Variants in CABCOCO1 observed in about 807,000 individuals in gnomAD.
CABCOCO1 encodes the protein ciliary associated calcium binding coiled-coil 1, also known as ciliary-associated calcium-binding coiled-coil protein 1.
Under a neutral mutation model 35.7 loss-of-function variants are expected in CABCOCO1, and 28 were observed. That is an observed-to-expected ratio of 0.78 (90% CI 0.58 to 1.07). The LOEUF is 1.07. Ranked by LOEUF, CABCOCO1 falls within the 50% of genes least tolerant of loss-of-function variation. CABCOCO1 has a pLI of 0.00. For missense variants in CABCOCO1, 326 were observed against 309.2 expected, an observed-to-expected ratio of 1.05 and a Z score of -0.41; for synonymous variants, 95 against 100.1, an observed-to-expected ratio of 0.95 and a Z score of 0.30.
At position 61,673,510 on chromosome 10, in the gene CABCOCO1, C is replaced by T. The variant is rs938895602; in HGVS notation, c.164+775C>T. 2.0e-5 allele frequency among the ~76,000 whole-genome samples: 3 copies of T among 152,108 alleles called. No homozygotes were observed. The South Asian group carries it at 6.2e-4, about 32-fold the overall frequency. ...AGTCCTTGGGACACAAACAGGGTGT[C>T]GTGGACCATAACAGACAAATAGAAA... On this transcript the variant is annotated intron_variant, in intron 2 of 7. Transcript: ENST00000648843.
chr10:61,703,630 T>G (rs561063471), intron 5 of CABCOCO1, among the ~76,000 whole-genome samples: 28 of 152,254 alleles, frequency 1.8e-4, no homozygotes, highest in African/African-American at 6.7e-4. Context: ...TGATGTGAAC[T>G]AAGGCACTGT....
At chr10:61,748,727 C>T (rs181418603) in intron 5 of CABCOCO1, among the ~76,000 whole-genome samples, 283 of 152,198 alleles carry the variant, frequency 1.9e-3, no homozygotes, top group Non-Finnish European at 1.7e-3. Flanking sequence ...TCTCTGTTTC[C>T]CACTCAAAAA....
In CABCOCO1 at chr10:61,685,901, T is replaced by G. The variant is rs1839943558; in HGVS notation, c.335-140T>G. The G allele has an allele frequency of 4.1e-6, 3 of 735,376 alleles. No homozygotes were observed. In the East Asian group the frequency reaches 9.6e-5, roughly 24 times the overall value. 45.6% of individuals were successfully genotyped at this position (735,376 alleles called of 1,614,324 possible). On this transcript the variant is annotated intron_variant, in intron 3 of 7. Transcript: ENST00000648843. ...TTGCATAAAACGTATTAATTTATTA[T>G]GAAGAAACAAGAGTTTTACCATTTA...
chr10:61,732,384 G>T (rs1163664943), intron 5 of CABCOCO1, among the ~76,000 whole-genome samples: 2 of 151,916 alleles, frequency 1.3e-5, no homozygotes, highest in Non-Finnish European at 2.9e-5. Flanking sequence ...CTAGAATGCA[G>T]GTTCAAAAAG....
At chr10:61,746,650 T>C (rs934946293) in intron 5 of CABCOCO1, among the ~76,000 whole-genome samples, 1 of 152,176 alleles carries the variant, frequency 6.6e-6, no homozygotes, top group African/African-American at 2.4e-5. Context: ...CCATGTTTTG[T>C]CTTAATGGCT....
intron 4 of CABCOCO1, among the ~76,000 whole-genome samples, chr10:61,687,975 G>C (rs932277525): frequency 2.0e-4 from 30 of 152,134 alleles, no homozygotes; most frequent in African/African-American, 6.5e-4. Flanking sequence ...CACCTGTTCA[G>C]AACCCCTCAA....
At chr10:61,759,117 C>T (rs1454214361) in intron 5 of CABCOCO1, among the ~76,000 whole-genome samples, 1 of 151,754 alleles carries the variant, frequency 6.6e-6, no homozygotes. Flanking sequence ...CTGACTTTGT[C>T]AGCATACTGT....
At chr10:61,733,306 G>T (rs892366350) in intron 5 of CABCOCO1, among the ~76,000 whole-genome samples, 2 of 151,692 alleles carry the variant, frequency 1.3e-5, no homozygotes, top group Non-Finnish European at 2.9e-5. Flanking sequence ...TGTATTTTGA[G>T]ATAAGATTTT....
chr10:61,752,789 C>G (rs550605391), intron 5 of CABCOCO1, among the ~76,000 whole-genome samples: 2 of 143,206 alleles, frequency 1.4e-5, no homozygotes, highest in Non-Finnish European at 3.0e-5. Flanking sequence ...TAATTTAGCA[C>G]CAAAGCTTTT....
chr10:61,747,713 C>T (rs1287509588), intron 5 of CABCOCO1, among the ~76,000 whole-genome samples: 3 of 151,900 alleles, frequency 2.0e-5, no homozygotes, highest in Non-Finnish European at 4.4e-5. Context: ...ATACTTCGAT[C>T]TGCTGAAGTG....
rs547769620 is a variant in CABCOCO1 at position 61,743,123 on chromosome 10, T to A, written c.553-16936T>A. Among the ~76,000 whole-genome samples, 33 of 152,260 alleles carry A rather than the reference T, an allele frequency of 2.2e-4. 1 individual carries two copies. The highest frequency in any genetic ancestry group is 7.7e-4 in the African/African-American group (32 of 41,560). ...GGCCAAATTTATTTTTTTCATTGAGTCTTGAGTTACAAGCAACCCTTTAAT... is the reference window on the plus strand; with the variant it reads ...GGCCAAATTTATTTTTTTCATTGAGACTTGAGTTACAAGCAACCCTTTAAT... On this transcript the variant is annotated intron_variant, in intron 5 of 7. Coordinates refer to ENST00000648843, the MANE Select transcript of CABCOCO1 (RefSeq NM_001366906.2).
chr10:61,749,422 T>C (rs1010092034), intron 5 of CABCOCO1, among the ~76,000 whole-genome samples: 1 of 152,224 alleles, frequency 6.6e-6, no homozygotes, highest in Non-Finnish European at 1.5e-5. Flanking sequence ...AATAAGCGTG[T>C]TCTCAGATTT....
intron 5 of CABCOCO1, among the ~76,000 whole-genome samples, chr10:61,735,925 T>C (rs918026458): frequency 2.0e-5 from 3 of 152,200 alleles, no homozygotes; most frequent in African/African-American, 7.2e-5. Context: ...TTGAACTTTT[T>C]TTCACATGCT....
At chr10:61,765,181 C>T (rs556807933) in intron 7 of CABCOCO1, among the ~76,000 whole-genome samples, 3 of 152,230 alleles carry the variant, frequency 2.0e-5, no homozygotes, top group South Asian at 2.1e-4. Flanking sequence ...AATTTTGCCA[C>T]GTCAACCACC....
chr10:61,763,597 T>C (rs567416115), intron 7 of CABCOCO1, among the ~76,000 whole-genome samples: 1 of 152,172 alleles, frequency 6.6e-6, no homozygotes, highest in Non-Finnish European at 1.5e-5. Flanking sequence ...CACTAAATTC[T>C]TACATTACAT....
Position 61,686,084 on chromosome 10 carries a change from A to C in CABCOCO1, c.378A>C (p.Glu126Asp). 1 of 1,608,348 alleles carries C rather than the reference A, an allele frequency of 6.2e-7. No individual in the cohort carries two copies. The highest frequency in any genetic ancestry group is 8.5e-7 in the Non-Finnish European group (1 of 1,178,582). The change falls in exon 4 of 8, where the codon GAA becomes GAC. Residue 126 changes from glutamate to aspartate, a missense_variant. Physicochemically the swap from Glu to Asp is conservative, Grantham distance 45 (BLOSUM62 2). Coordinates refer to ENST00000648843, the MANE Select transcript of CABCOCO1 (RefSeq NM_001366906.2). ...SLEESIKWLG[E>D]VMAEIGPTHS... ...AGGAAAGCATAAAATGGCTTGGAGAAGTTATGGCTGAAATAGGACCAACAC... is the reference window on the plus strand; with the variant it reads ...AGGAAAGCATAAAATGGCTTGGAGACGTTATGGCTGAAATAGGACCAACAC...
chr10:61,762,769 C>T (rs1346081393), intron 7 of CABCOCO1, among the ~76,000 whole-genome samples: 6 of 152,070 alleles, frequency 3.9e-5, no homozygotes, highest in Admixed American at 3.9e-4. Flanking sequence ...GACCTGGGTT[C>T]TAGTTCTAAT....
At chr10:61,762,697 TA>T (rs1283303372) in intron 7 of CABCOCO1, among the ~76,000 whole-genome samples, 1 of 152,072 alleles carries the variant, frequency 6.6e-6, no homozygotes, top group African/African-American at 2.4e-5. Context: ...CAGAAAGACT[TA>T]AGTTATTTGT....
At chr10:61,707,178 CT>C (rs1247361060) in intron 5 of CABCOCO1, among the ~76,000 whole-genome samples, 6 of 151,998 alleles carry the variant, frequency 3.9e-5, no homozygotes, top group Admixed American at 3.9e-4. Context: ...GGATGCAACA[CT>C]GAGGAACATG....
Sources: gnomAD v4.1 joint callset for allele counts (sites outside exome capture counted in the v4.1 genomes callset) on GRCh38, gnomAD v4.1.1 for gene constraint, MANE v1.5 for transcripts, NCBI Gene and HGNC (gene_info 2026-07-23, HGNC 2026-07-21) for gene names.